The following CCDC88A variants were observed in gnomAD, a reference collection of about 807,000 sequenced individuals.
The protein encoded by CCDC88A is girdin.
A neutral mutation model predicts 234.3 loss-of-function variants in CCDC88A; 54 were observed. The observed-to-expected ratio is 0.23, with a 90% CI of 0.19 to 0.29. CCDC88A has a LOEUF of 0.29. Ranked by LOEUF, CCDC88A falls within the 10% of genes least tolerant of loss-of-function variation. CCDC88A has a pLI of 1.00. For synonymous variants in CCDC88A, 753 were observed against 737.8 expected, an observed-to-expected ratio of 1.02 and a Z score of -0.33; for missense variants, 1,832 against 2,123.4, an observed-to-expected ratio of 0.86 and a Z score of 2.70.
Position 55,349,549 on chromosome 2 carries a change from A to G in CCDC88A, c.851T>C (p.Met284Thr), listed in dbSNP as rs781340090. 6.8e-6 allele frequency: 11 copies of G among 1,612,918 alleles called. No individual in the cohort carries two copies. The highest frequency in any genetic ancestry group is 9.3e-6 in the Non-Finnish European group (11 of 1,179,606). The change falls in exon 9 of 33, where the codon ATG becomes ACG. Residue 284 changes from methionine (M) to threonine (T), a missense_variant. Transcript: ENST00000436346. ...TTGCAGCCTTTTGAGTTCTATTTCC[A>G]TTTGCTCAAGTTCTTGTTTACAATC... ...LLDCKQELEQ[M>T]EIELKRLQQE...
At position 55,318,974 on chromosome 2, in the gene CCDC88A, A is replaced by G. The variant is rs757709639; in HGVS notation, c.3193T>C (p.Leu1065=). The G allele has an allele frequency of 7.4e-6, 12 of 1,613,306 alleles. No individual in the cohort carries two copies. The African/African-American group carries it at 1.1e-4, about 14-fold the overall frequency. ...NATLQAEKQA[L]KTQLKQLETQ... is the part of the protein sequence containing the mutation. ...TCAAGTTGCTTCAGTTGAGTTTTCA[A>G]CGCTTGCTTCTCTGCTTGCAGTGTA... The change falls in exon 19 of 33, where the codon TTG becomes CTG. Residue 1065 remains leucine (L), a synonymous_variant. Transcript: ENST00000436346.
At chr2:55,416,428 ATAAATAAATAAATAAAT>A (rs1681410829) in intron 2 of CCDC88A, among the ~76,000 whole-genome samples, 1 of 36,500 alleles carries the variant, frequency 2.7e-5, no homozygotes, top group African/African-American at 9.0e-5. Flanking sequence ...AAGAGGTCAA[ATAAATAAATAAATAAAT>A]ATATATATAT....
chr2:55,302,078 A>G lies in CCDC88A; in HGVS notation c.4472-6T>C, dbSNP rs1300697158. On this transcript the variant is annotated splice_polypyrimidine_tract_variant and splice_region_variant and intron_variant, in intron 26 of 32. Transcript: ENST00000436346. ...CTGCACCAGGTCATTCATGGCTGGG[A>G]TGCAAATGAAAGCAAATGAATCAGC... 1 of 1,609,924 alleles carries G rather than the reference A, an allele frequency of 6.2e-7. No individual in the cohort carries two copies.
chr2:55,350,199 G>A (rs1353350224), intron 8 of CCDC88A: 1 of 152,372 alleles, frequency 6.6e-6, no homozygotes, highest in Non-Finnish European at 1.5e-5. Flanking sequence ...TTACAGGCGT[G>A]AGCCACCGTG....
chr2:55,414,265 C>T (rs537750616), intron 2 of CCDC88A, among the ~76,000 whole-genome samples: 4 of 152,274 alleles, frequency 2.6e-5, no homozygotes, highest in African/African-American at 7.2e-5. Context: ...AAATTAACTA[C>T]AATGTCACAA....
In CCDC88A at chr2:55,295,619, G is replaced by A; in HGVS notation, c.5529C>T (p.Asp1843=). 1 of 1,614,194 alleles carries A rather than the reference G, an allele frequency of 6.2e-7. No individual in the cohort carries two copies. The highest frequency in any genetic ancestry group is 1.1e-5 in the South Asian group (1 of 91,084). Residue 1843 remains aspartate, a synonymous_variant, in exon 31 of 33, where the codon GAC becomes GAT. Coordinates refer to ENST00000436346, the MANE Select transcript of CCDC88A (RefSeq NM_001365480.1). The part of the protein sequence containing the change: ...ISVDSPPAAA[D]SNTTAASNVD... ...CACTAGATGCTGCAGTGGTGTTGCT[G>A]TCAGCAGCAGCTGGTGGTGAATCAA...
chr2:55,344,179 C>A, intron 11 of CCDC88A, 189 bp downstream of exon 11: 1 of 397,400 alleles, frequency 2.5e-6, no homozygotes, highest in Non-Finnish European at 4.4e-6. Flanking sequence ...TAACATGCTT[C>A]TGTAACAAAA....
rs1679962020 is a variant in CCDC88A at position 55,295,798 on chromosome 2, C to T, written c.5350G>A (p.Val1784Ile). Reference protein sequence around the residue: ...TPGTQGKIKLVKESSLSRQSK... With the variant: ...TPGTQGKIKLIKESSLSRQSK... ...TGTCGTGACAGAGAAGATTCTTTTA[C>T]TAATTTTATTTTTCCTTGAGTGCCT... The change falls in exon 31 of 33, where the codon GTA becomes ATA. Residue 1784 changes from valine to isoleucine, a missense_variant. Around this residue, in one of 6 missense-constraint regions of CCDC88A, gnomAD observed 422 missense variants for 416.5 expected, o/e 1.01. Coordinates refer to ENST00000436346, the MANE Select transcript of CCDC88A (RefSeq NM_001365480.1). 2 of 1,614,036 alleles carry T rather than the reference C, an allele frequency of 1.2e-6. No homozygotes were observed. The highest frequency in any genetic ancestry group is 1.1e-5 in the South Asian group (1 of 91,086).
At chr2:55,413,809 A>T (rs1189785534) in intron 2 of CCDC88A, among the ~76,000 whole-genome samples, 1 of 151,974 alleles carries the variant, frequency 6.6e-6, no homozygotes, top group Non-Finnish European at 1.5e-5. Flanking sequence ...AAAATTAGTC[A>T]AGCATGGTAG....
chr2:55,306,913 A>G (rs1681652580), intron 25 of CCDC88A, among the ~76,000 whole-genome samples: 1 of 152,152 alleles, frequency 6.6e-6, no homozygotes, highest in Non-Finnish European at 1.5e-5. Context: ...CTATACCCTA[A>G]AATACTATGT....
intron 6 of CCDC88A, among the ~76,000 whole-genome samples, chr2:55,363,021 A>T (rs114607663): frequency 0.01 from 1,594 of 152,116 alleles, 29 homozygotes; most frequent in African/African-American, 0.035. Flanking sequence ...AACAAACAGC[A>T]AAAATAATTA....
intron 3 of CCDC88A, among the ~76,000 whole-genome samples, chr2:55,385,043 A>G (rs1477892826): frequency 1.3e-5 from 2 of 152,188 alleles, no homozygotes; most frequent in African/African-American, 4.8e-5. Context: ...TGACTTGAAT[A>G]CAAAGAATTG....
At chr2:55,295,254 A>G (rs1679892273) in intron 31 of CCDC88A, 2 of 1,358,980 alleles carry the variant, frequency 1.5e-6, no homozygotes, top group Admixed American at 2.2e-5. Context: ...AGGTTTATCC[A>G]AAGAGGCAGA....
intron 2 of CCDC88A, among the ~76,000 whole-genome samples, chr2:55,397,101 T>A (rs554129654): frequency 1.3e-4 from 19 of 151,614 alleles, no homozygotes; most frequent in East Asian, 7.8e-4. Context: ...GAAAAAAAAA[T>A]TTTTTTTGAG....
At chr2:55,416,871 T>C (rs1273496916) in intron 2 of CCDC88A, 1 of 152,064 alleles carries the variant, frequency 6.6e-6, no homozygotes, top group East Asian at 1.9e-4. Context: ...AATTTGATCT[T>C]ATTTTAGCAA....
intron 7 of CCDC88A, among the ~76,000 whole-genome samples, chr2:55,360,438 A>G (rs1432532739): frequency 6.6e-6 from 1 of 152,166 alleles, no homozygotes; most frequent in Non-Finnish European, 1.5e-5. Flanking sequence ...GTCTACTGGT[A>G]GCCCAAATTG....
rs377022377 is a variant in CCDC88A, at chr2:55,390,053, A to AAAAAAAAAAAAAAAAAAAAAAAAAAAAAG, written c.165-1168_165-1167insCTTTTTTTTTTTTTTTTTTTTTTTTTTTT. On this transcript the variant is annotated intron_variant, in intron 2 of 32. Coordinates refer to ENST00000436346, the MANE Select transcript of CCDC88A (RefSeq NM_001365480.1). ...GAGACTCAAAAAAAAAAAAAAATAA[A>AAAAAAAAAAAAAAAAAAAAAAAAAAAAAG]AAATAAAGATAGAACATTTCAAAGT... Among the ~76,000 whole-genome samples, 42 of 79,752 alleles carry AAAAAAAAAAAAAAAAAAAAAAAAAAAAAG rather than the reference A, an allele frequency of 5.3e-4. 6 individuals carry two copies. Among genetic ancestry groups the AAAAAAAAAAAAAAAAAAAAAAAAAAAAAG allele is most frequent in the East Asian group, 1.6e-3 (3 of 1,846 alleles). The allele number at this position is 79,752 out of a possible 152,430, so 52.3% of individuals were successfully genotyped here. A position where few individuals can be genotyped will look rare whatever the true frequency, so the allele number is the denominator to read the frequency against.
At chr2:55,355,850 A>T in intron 7 of CCDC88A, 99 bp from the exon 8 acceptor site, 1 of 850,280 alleles carries the variant, frequency 1.2e-6, no homozygotes, top group Non-Finnish European at 1.8e-6. Context: ...TGCCATATCA[A>T]AAACAATTCA....
At chr2:55,409,422 A>G (rs972453653) in intron 2 of CCDC88A, among the ~76,000 whole-genome samples, 1 of 152,110 alleles carries the variant, frequency 6.6e-6, no homozygotes, top group African/African-American at 2.4e-5. Context: ...TTCTGTGCGA[A>G]CACTGTCTCA....
Sources: allele counts gnomAD v4.1 joint callset (sites outside exome capture counted in the v4.1 genomes callset), GRCh38; gene constraint gnomAD v4.1.1; regional missense constraint gnomAD v4.1.1; transcripts MANE v1.5; gene names NCBI Gene and HGNC (gene_info 2026-07-23, HGNC 2026-07-21).